Variants in LRRC9 observed in about 807,000 individuals in gnomAD.
LRRC9 encodes leucine-rich repeat-containing protein 9.
Under a neutral mutation model 63.2 loss-of-function variants are expected in LRRC9, and 122 were observed. The ratio of observed to expected loss-of-function variants is 1.93; its 90% CI spans 1.67 to 2.24. The LOEUF is 2.24. Ranked by LOEUF, LRRC9 falls within the 30% of genes most tolerant of loss-of-function variation. LRRC9 has a pLI of 0.00. For missense variants in LRRC9, 1,071 were observed against 627.7 expected (o/e 1.71, Z -7.55); for synonymous variants, 366 against 213.1 (o/e 1.72, Z -6.25).
intron 7 of LRRC9, among the ~76,000 whole-genome samples, chr14:59,939,549 C>A (rs997225712): frequency 2.6e-5 from 4 of 151,884 alleles, no homozygotes; most frequent in Non-Finnish European, 5.9e-5. Flanking sequence ...CTTAGATGAG[C>A]CATGTGGATG....
exon 20 of LRRC9, chr14:60,002,053 T>G (rs753333039): frequency 2.8e-6 from 2 of 702,382 alleles, no homozygotes; most frequent in South Asian, 3.0e-5. Context: ...GACGCAGGTT[T>G]CAAAGTTAGG....
chr14:60,029,100 T>G (rs1445896490), intron 28 of LRRC9, among the ~76,000 whole-genome samples: 2 of 152,162 alleles, frequency 1.3e-5, no homozygotes, highest in African/African-American at 4.8e-5. Context: ...CTGGGGATGA[T>G]TCTTCCTAAG....
At position 59,993,227 on chromosome 14, in the gene LRRC9, G is replaced by A. The variant is rs532534858; in HGVS notation, c.2212-4429G>A. ...AGCCAAACTAAGCTTCATAAGTGAA[G>A]GAGAAATAAAATACCTTACAGACAA... On this transcript the variant is annotated intron_variant, in intron 17 of 31. Transcript: ENST00000445360. Among the ~76,000 whole-genome samples the A allele has an allele frequency of 2.0e-4, 31 of 152,200 alleles. No individual in the cohort carries two copies. In the South Asian group the frequency reaches 6.2e-3, roughly 31 times the overall value.
intron 29 of LRRC9, among the ~76,000 whole-genome samples, chr14:60,040,239 G>A (rs1892829736): frequency 6.6e-6 from 1 of 151,998 alleles, no homozygotes; most frequent in Non-Finnish European, 1.5e-5. Flanking sequence ...ACATTTTGTT[G>A]ATTTGCAGTG....
intron 10 of LRRC9, among the ~76,000 whole-genome samples, chr14:59,963,860 TATATAGG>T (rs971094466): frequency 5.0e-4 from 76 of 152,328 alleles, no homozygotes; most frequent in African/African-American, 1.8e-3. Flanking sequence ...ATTAAACCTT[TATATAGG>T]ATTATAAAGT....
intron 8 of LRRC9, among the ~76,000 whole-genome samples, chr14:59,951,930 GCAGAGATTACTGCTGTCTT>G (rs1883176208): frequency 6.6e-6 from 1 of 152,142 alleles, no homozygotes; most frequent in Non-Finnish European, 1.5e-5. Flanking sequence ...ATTTAAGTCT[GCAGAGATTACTGCTGTCTT>G]TTTGTTTGTC....
At chr14:59,960,195 T>C (rs1017097052) in intron 9 of LRRC9, among the ~76,000 whole-genome samples, 181 bp downstream of exon 9, 4 of 152,220 alleles carry the variant, frequency 2.6e-5, no homozygotes, top group African/African-American at 9.6e-5. Flanking sequence ...GGATAAAAGC[T>C]GGCTTACAGT....
intron 29 of LRRC9, among the ~76,000 whole-genome samples, chr14:60,034,992 T>C (rs1303919143): frequency 6.6e-6 from 1 of 152,108 alleles, no homozygotes; most frequent in Non-Finnish European, 1.5e-5. Context: ...TCCACATCCT[T>C]ACCAGCATCT....
At chr14:60,001,119 T>C (rs1889321780) in intron 19 of LRRC9, among the ~76,000 whole-genome samples, 1 of 152,168 alleles carries the variant, frequency 6.6e-6, no homozygotes, top group Non-Finnish European at 1.5e-5. Flanking sequence ...AGTAAAAGTG[T>C]AATTTTTCTG....
intron 10 of LRRC9, 73 bp downstream of exon 10, chr14:59,961,118 C>T (rs1413097775): frequency 6.2e-6 from 3 of 482,202 alleles, no homozygotes; most frequent in Non-Finnish European, 1.1e-5. Flanking sequence ...AGAATATCAA[C>T]TTATAAAATC....
At position 60,042,490 on chromosome 14, in the gene LRRC9, G is replaced by A. The variant is rs898732316; in HGVS notation, c.3990+10427G>A. Among the ~76,000 whole-genome samples, 3 of 152,196 alleles carry A rather than the reference G, an allele frequency of 2.0e-5. No individual in the cohort carries two copies. The highest frequency in any genetic ancestry group is 2.1e-4 in the South Asian group (1 of 4,838). On this transcript the variant is annotated intron_variant, in intron 29 of 31. Coordinates refer to ENST00000445360, the Ensembl canonical transcript of LRRC9. The surrounding 1 kb of genome is among the most constrained non-coding windows in gnomAD (Gnocchi z 4.2). ...TAGCCTCGCTGCTGCCTTGCAGTTC[G>A]ATCTCAGACTGCTGTGCTGGCAGTG...
chr14:60,018,269 C>G, intron 24 of LRRC9, 102 bp from the exon 25 acceptor site: 1 of 658,252 alleles, frequency 1.5e-6, no homozygotes, highest in South Asian at 1.6e-5. Context: ...TCAGGTGAGA[C>G]TTTTTAAATG....
chr14:60,055,037 G>A (rs1223956073), intron 30 of LRRC9, among the ~76,000 whole-genome samples: 6 of 152,178 alleles, frequency 3.9e-5, no homozygotes. Context: ...TGGGATTACA[G>A]GCTTGAGCCA....
chr14:60,021,625 G>A (rs115826580), intron 26 of LRRC9, among the ~76,000 whole-genome samples: 3,464 of 151,818 alleles, frequency 0.023, 94 homozygotes, highest in African/African-American at 0.071. Context: ...CTCTTACATC[G>A]AGTCCTATGG....
At chr14:59,939,516 C>A (rs1031602056) in intron 7 of LRRC9, among the ~76,000 whole-genome samples, 1 of 151,796 alleles carries the variant, frequency 6.6e-6, no homozygotes, top group African/African-American at 2.4e-5. Context: ...GCAGAGAGAC[C>A]AGTTAGGAGA....
At chr14:60,008,359 T>G in intron 23 of LRRC9, 145 bp downstream of exon 23, 1 of 496,484 alleles carries the variant, frequency 2.0e-6, no homozygotes, top group Non-Finnish European at 3.5e-6. Context: ...AAAGCTTATT[T>G]TAGATCTGGG....
chr14:60,026,281 AT>A (rs1891546525), intron 27 of LRRC9, among the ~76,000 whole-genome samples: 1 of 152,032 alleles, frequency 6.6e-6, no homozygotes, highest in Non-Finnish European at 1.5e-5. Context: ...AGCATTTATG[AT>A]TGCCTGTCTT....
chr14:60,016,765 C>T (rs930320833), exon 24 of LRRC9: 1 of 697,048 alleles, frequency 1.4e-6, no homozygotes. Flanking sequence ...AATGCAAGAA[C>T]TAAATTGGAC....
chr14:59,978,615 A>G (rs1055271757), intron 15 of LRRC9, among the ~76,000 whole-genome samples: 1 of 152,174 alleles, frequency 6.6e-6, no homozygotes, highest in Non-Finnish European at 1.5e-5. Context: ...ACTTTAGTAC[A>G]TATAGATGGG....
Sources: gnomAD v4.1 joint callset for allele counts (sites outside exome capture counted in the v4.1 genomes callset) on GRCh38, gnomAD v4.1.1 for gene constraint, Gnocchi (gnomAD v3.1) non-coding constraint, MANE v1.5 for transcripts, NCBI Gene and HGNC (gene_info 2026-07-23, HGNC 2026-07-21) for gene names.